CEP164: variants seen among roughly 807,000 people sequenced by gnomAD.
CEP164 encodes centrosomal protein of 164 kDa.
Under a neutral mutation model 182.7 loss-of-function variants are expected in CEP164, and 162 were observed. That is an observed-to-expected ratio of 0.89 (90% CI 0.78 to 1.01). The LOEUF is 1.01. CEP164 is among the 50% of genes least tolerant of loss of function. The pLI, the probability that CEP164 is intolerant of heterozygous loss-of-function variation, is 0.00. For missense variants in CEP164, 1,735 were observed against 1,790.4 expected, an observed-to-expected ratio of 0.97 and a Z score of 0.56; for synonymous variants, 661 against 690.0, an observed-to-expected ratio of 0.96 and a Z score of 0.66.
intron 27 of CEP164, among the ~76,000 whole-genome samples, chr11:117,403,519 A>G (rs1240960817): frequency 6.6e-6 from 1 of 152,184 alleles, no homozygotes; most frequent in Non-Finnish European, 1.5e-5. Context: ...CTGCAGAGAG[A>G]TCTGCTGTTA....
chr11:117,356,919 C>T (rs1267412626), intron 5 of CEP164, among the ~76,000 whole-genome samples: 2 of 152,104 alleles, frequency 1.3e-5, no homozygotes, highest in Non-Finnish European at 1.5e-5. Context: ...GTGAGCAGAA[C>T]GTCGCTAATC....
intron 5 of CEP164, 98 bp downstream of exon 5, chr11:117,352,086 C>A: frequency 1.0e-6 from 1 of 997,568 alleles, no homozygotes; most frequent in Non-Finnish European, 1.5e-6. Flanking sequence ...TTGAAGACAA[C>A]AGTCAGAATA....
Position 117,411,967 on chromosome 11 carries a change from T to C in CEP164, c.4286+50T>C. ...CTGGGCTGGGCTGTGGGGACTGTGC[T>C]TGTGCCCTGAGGGGCTGAGGAGGAT... On this transcript the variant is annotated intron_variant, in intron 32 of 32. Coordinates refer to ENST00000278935, the MANE Select transcript of CEP164 (RefSeq NM_014956.5). The surrounding 1 kb of genome is among the most constrained non-coding windows in gnomAD (Gnocchi z 4.4). 1 of 1,612,302 alleles carries C rather than the reference T, an allele frequency of 6.2e-7. No individual in the cohort carries two copies. Among genetic ancestry groups the C allele is most frequent in the Non-Finnish European group, 8.5e-7 (1 of 1,178,996 alleles).
intron 1 of CEP164, among the ~76,000 whole-genome samples, chr11:117,330,496 A>G (rs2036030883): frequency 6.6e-6 from 1 of 152,196 alleles, no homozygotes; most frequent in Non-Finnish European, 1.5e-5. Flanking sequence ...TAAAAATACA[A>G]AAATTAGCCG....
Position 117,391,049 on chromosome 11 carries a change from A to T in CEP164, c.2117A>T (p.Gln706Leu). ...LQKLREELES[Q>L]QKAERASLEQ... is the part of the protein sequence containing the mutation. Reference sequence around the variant, plus strand: ...AAACTGAGAGAAGAGTTGGAGTCTCAACAGAAGGCTGAGAGGGCCAGCTTG... The same window carrying T: ...AAACTGAGAGAAGAGTTGGAGTCTCTACAGAAGGCTGAGAGGGCCAGCTTG... Residue 706 changes from glutamine to leucine, a missense_variant, in exon 17 of 33, where the codon CAA becomes CTA. Transcript: ENST00000278935. The T allele has an allele frequency of 6.2e-7, 1 of 1,614,042 alleles. No homozygotes were observed.
At position 117,409,627 on chromosome 11, in the gene CEP164, C is replaced by A. The variant is rs1179197381; in HGVS notation, c.3758C>A (p.Thr1253Asn). The A allele has an allele frequency of 1.9e-6, 3 of 1,607,360 alleles. No individual in the cohort carries two copies. The highest frequency in any genetic ancestry group is 2.7e-5 in the African/African-American group (2 of 74,788). Residue 1253 changes from threonine to asparagine, a missense_variant, in exon 30 of 33, where the codon ACC becomes AAC. Coordinates refer to ENST00000278935, the MANE Select transcript of CEP164 (RefSeq NM_014956.5). The surrounding 1 kb of genome is among the most constrained non-coding windows in gnomAD (Gnocchi z 4.4). ...EWWRQQRIDSTPSLTSRKIHG... is the reference protein window; with the variant it reads ...EWWRQQRIDSNPSLTSRKIHG... ...ACCTCTTTTCTTTCAGTCGACTCAA[C>A]CCCGAGTCTCACCTCCCGCAAGATC...
Position 117,371,339 on chromosome 11 carries a change from C to T in CEP164, c.1025C>T (p.Ala342Val), listed in dbSNP as rs754975354. 6.2e-7 allele frequency: 1 copy of T among 1,614,180 alleles called. No individual in the cohort carries two copies. Among genetic ancestry groups the T allele is most frequent in the Non-Finnish European group, 8.5e-7 (1 of 1,180,030 alleles). Reference sequence around the variant, plus strand: ...CCTACAGGCAGTGAGCCTGCCAAAGCCTCTGAAAAGGAAGCACCAGAGGAC... The same window carrying T: ...CCTACAGGCAGTGAGCCTGCCAAAGTCTCTGAAAAGGAAGCACCAGAGGAC... ...ADPTGSEPAK[A>V]SEKEAPEDTV... Residue 342 changes from alanine (A) to valine (V), a missense_variant, in exon 9 of 33, where the codon GCC becomes GTC. Transcript: ENST00000278935.
intron 4 of CEP164, among the ~76,000 whole-genome samples, chr11:117,348,756 C>A (rs112513073): frequency 6.6e-6 from 1 of 152,184 alleles, no homozygotes; most frequent in African/African-American, 2.4e-5. Flanking sequence ...TTTTCATCCC[C>A]AAACTGAAAC....
At chr11:117,405,214 T>C (rs1399416711) in intron 27 of CEP164, among the ~76,000 whole-genome samples, 1 of 152,164 alleles carries the variant, frequency 6.6e-6, no homozygotes, top group Non-Finnish European at 1.5e-5. Flanking sequence ...AAAAAACTCC[T>C]GCAGCTAGCT....
At chr11:117,328,050 G>C (rs1011973786) in intron 1 of CEP164, 146 bp downstream of exon 1, 1 of 152,358 alleles carries the variant, frequency 6.6e-6, no homozygotes. Flanking sequence ...CGTGGCGGGG[G>C]ACCCGAGGCA....
chr11:117,370,867 C>T (rs930154863), intron 8 of CEP164, among the ~76,000 whole-genome samples: 10 of 152,036 alleles, frequency 6.6e-5, no homozygotes, highest in African/African-American at 2.4e-4. Context: ...GCTGAGATCA[C>T]ACCACTGCAC....
upstream of CEP164, among the ~76,000 whole-genome samples, chr11:117,324,481 TC>T (rs1479724533): frequency 6.6e-6 from 1 of 151,194 alleles, no homozygotes; most frequent in Non-Finnish European, 1.5e-5. Flanking sequence ...TTTGTTATTT[TC>T]CCCCCAAAGT....
chr11:117,377,940 A>G (rs562850130), intron 11 of CEP164, among the ~76,000 whole-genome samples: 150 of 151,794 alleles, frequency 9.9e-4, no homozygotes, highest in African/African-American at 3.6e-3. Flanking sequence ...GCTCACTGCA[A>G]CCTCCATCTC....
chr11:117,392,135 G>A, intron 17 of CEP164, 91 bp from the exon 18 acceptor site: 1 of 1,145,108 alleles, frequency 8.7e-7, no homozygotes, highest in Admixed American at 2.5e-5. Context: ...CTGATCTCGA[G>A]GGCTTGGGGG....
intron 23 of CEP164, 142 bp from the exon 24 acceptor site, chr11:117,395,405 G>C: frequency 9.6e-7 from 1 of 1,041,182 alleles, no homozygotes; most frequent in Admixed American, 2.7e-5. Context: ...CAGACCTCTT[G>C]ACCTCAGAGG....
intron 7 of CEP164, among the ~76,000 whole-genome samples, chr11:117,363,221 C>T (rs1181833542): frequency 6.6e-6 from 1 of 152,182 alleles, no homozygotes; most frequent in African/African-American, 2.4e-5. Flanking sequence ...AGCACCTTGG[C>T]CACTTGCTTG....
Position 117,354,072 on chromosome 11 carries a change from A to G in CEP164, c.393+2084A>G, listed in dbSNP as rs189071551. 6.6e-3 allele frequency among the ~76,000 whole-genome samples: 992 copies of G among 149,660 alleles called. 40 individuals are homozygous for G. Among genetic ancestry groups the G allele is most frequent in the Admixed American group, 0.061 (916 of 14,932 alleles). ...TGCTTTGTTGCCCAGGCTGGAGTGC[A>G]GTGGCACGATCTTGGATCACTGCAA... On this transcript the variant is annotated intron_variant, in intron 5 of 32. Coordinates refer to ENST00000278935, the MANE Select transcript of CEP164 (RefSeq NM_014956.5).
In CEP164 at chr11:117,394,245, G is replaced by A; in HGVS notation, c.2617-105G>A. ...GAGCTGGCTTTAGGGAGCCGATGGT[G>A]TCCCTGATCTTACTGATGCAAGGCT... On this transcript the variant is annotated intron_variant, in intron 20 of 32. Transcript: ENST00000278935. The surrounding 1 kb of genome is among the most constrained non-coding windows in gnomAD (Gnocchi z 4.0). The A allele has an allele frequency of 7.0e-7, 1 of 1,437,258 alleles. No homozygotes were observed. The highest frequency in any genetic ancestry group is 9.4e-7 in the Non-Finnish European group (1 of 1,058,984). 89.0% of individuals were successfully genotyped at this position (1,437,258 alleles called of 1,614,324 possible).
chr11:117,338,567 T>C lies in CEP164; in HGVS notation c.-20T>C. 6.2e-7 allele frequency: 1 copy of C among 1,604,080 alleles called. No homozygotes were observed. The highest frequency in any genetic ancestry group is 2.2e-5 in the East Asian group (1 of 44,824). ...TTGGTGGGGGCCTCTGGGATCTAGG[T>C]GTTTGAGCCCAGATGAGTCATGGCT... On this transcript the variant is annotated splice_region_variant and 5_prime_UTR_variant, in exon 3 of 33. Transcript: ENST00000278935.
Sources: allele counts gnomAD v4.1 joint callset (sites outside exome capture counted in the v4.1 genomes callset), GRCh38; gene constraint gnomAD v4.1.1; non-coding constraint Gnocchi (gnomAD v3.1); transcripts MANE v1.5; gene names NCBI Gene and HGNC (gene_info 2026-07-23, HGNC 2026-07-21).